Variants in CLEC19A observed in about 807,000 individuals in gnomAD.
CLEC19A encodes the protein C-type lectin domain family 19 member A.
A neutral mutation model predicts 26.1 loss-of-function variants in CLEC19A; 21 were observed. The ratio of observed to expected loss-of-function variants is 0.80; its 90% CI spans 0.57 to 1.16. The LOEUF is 1.16. Ranked by LOEUF, CLEC19A falls within the 50% of genes most tolerant of loss-of-function variation. CLEC19A has a pLI of 0.00. For synonymous variants in CLEC19A, 89 were observed against 88.6 expected, an observed-to-expected ratio of 1.00 and a Z score of -0.03; for missense variants, 224 against 227.6, an observed-to-expected ratio of 0.98 and a Z score of 0.10.
intron 3 of CLEC19A, among the ~76,000 whole-genome samples, chr16:19,307,111 A>T: frequency 6.6e-6 from 1 of 152,216 alleles, no homozygotes; most frequent in East Asian, 1.9e-4. Flanking sequence ...AAACAGATGG[A>T]AAGTGACTCC....
At chr16:19,286,259 A>C (rs1446749689) in intron 1 of CLEC19A, among the ~76,000 whole-genome samples, 5 of 152,242 alleles carry the variant, frequency 3.3e-5, no homozygotes, top group African/African-American at 1.2e-4. Context: ...GGCAGATAAG[A>C]TAACATGAGG....
At chr16:19,292,503 G>T (rs1897612014) in intron 1 of CLEC19A, among the ~76,000 whole-genome samples, 1 of 152,194 alleles carries the variant, frequency 6.6e-6, no homozygotes, top group African/African-American at 2.4e-5. Context: ...TTCCCAAGAG[G>T]CTGCCCTCAA....
At chr16:19,294,999 T>G (rs1358987643) in intron 1 of CLEC19A, among the ~76,000 whole-genome samples, 3 of 152,150 alleles carry the variant, frequency 2.0e-5, no homozygotes, top group African/African-American at 4.8e-5. Flanking sequence ...ATAGGATGTT[T>G]AGCAGCATTC....
At chr16:19,299,470 C>G (rs998519402) in intron 2 of CLEC19A, among the ~76,000 whole-genome samples, 3 of 152,150 alleles carry the variant, frequency 2.0e-5, no homozygotes, top group African/African-American at 7.2e-5. Flanking sequence ...ATTCCATAGC[C>G]CACCCTCCAA....
At chr16:19,305,436 T>A (rs899925229) in intron 3 of CLEC19A, among the ~76,000 whole-genome samples, 2 of 152,330 alleles carry the variant, frequency 1.3e-5, no homozygotes, top group African/African-American at 4.8e-5. Flanking sequence ...GGACCAGATC[T>A]CTGCAATGTC....
chr16:19,295,472 G>A (rs1248601679), intron 1 of CLEC19A, among the ~76,000 whole-genome samples: 1 of 152,084 alleles, frequency 6.6e-6, no homozygotes, highest in East Asian at 1.9e-4. Flanking sequence ...CAAGGTGTTG[G>A]TATTACAGGC....
rs542233968 is a variant in CLEC19A at position 19,287,407 on chromosome 16, C to G, written c.88+1468C>G. Among the ~76,000 whole-genome samples, 6 of 152,182 alleles carry G rather than the reference C, an allele frequency of 3.9e-5. No individual in the cohort carries two copies. In the South Asian group the frequency reaches 8.3e-4, roughly 21 times the overall value. Reference sequence around the variant, plus strand: ...ATCTAATCACTTCCCAAAGGTCCCCCCTCCCAATACCATCACATTGGGAGT... The same window carrying G: ...ATCTAATCACTTCCCAAAGGTCCCCGCTCCCAATACCATCACATTGGGAGT... On this transcript the variant is annotated intron_variant, in intron 1 of 4. Coordinates refer to ENST00000636231, the MANE Select transcript of CLEC19A (RefSeq NM_001256720.2).
Position 19,309,120 on chromosome 16 carries a change from T to TTTA in CLEC19A, c.*37_*38insTTA. On this transcript the variant is annotated 3_prime_UTR_variant, in exon 5 of 5. Coordinates refer to ENST00000636231, the MANE Select transcript of CLEC19A (RefSeq NM_001256720.2). The stretch of plus-strand genomic sequence containing the variant: ...CCTACTGGTGTGAGCTCAACTCTAG[T>TTTA]ATCATCTTGTAGCTGTAACCAGTGT... 7.0e-7 allele frequency: 1 copy of TTTA among 1,431,874 alleles called. No individual in the cohort carries two copies. The highest frequency in any genetic ancestry group is 9.6e-7 in the Non-Finnish European group (1 of 1,040,320). The allele number at this position is 1,431,874 out of a possible 1,614,324, so 88.7% of individuals were successfully genotyped here. A position where few individuals can be genotyped will look rare whatever the true frequency, so the allele number is the denominator to read the frequency against.
rs140824246 is a variant in CLEC19A at position 19,292,433 on chromosome 16, C to T, written c.89-6240C>T. Among the ~76,000 whole-genome samples the T allele has an allele frequency of 2.3e-3, 348 of 152,328 alleles. 2 individuals carry two copies. The highest frequency in any genetic ancestry group is 7.9e-3 in the African/African-American group (327 of 41,556). On this transcript the variant is annotated intron_variant, in intron 1 of 4. Transcript: ENST00000636231. ...GTTAAAAAAACTCCAGGAATGCCAT[C>T]GCAGTGTCAGGACTCCTGGTTTCAA... is the stretch of plus-strand genomic sequence containing the variant.
chr16:19,295,201 T>TTTGTTG (rs200971751), intron 1 of CLEC19A, among the ~76,000 whole-genome samples: 1 of 151,698 alleles, frequency 6.6e-6, no homozygotes, highest in African/African-American at 2.4e-5. Context: ...CTCTCAGGGT[T>TTTGTTG]TTGTTGTTGT....
chr16:19,306,270 A>G (rs1302359119), intron 3 of CLEC19A, among the ~76,000 whole-genome samples: 2 of 151,860 alleles, frequency 1.3e-5, no homozygotes, highest in East Asian at 1.9e-4. Context: ...CCTAGGCTCC[A>G]TAGTAGCTAG....
intron 1 of CLEC19A, among the ~76,000 whole-genome samples, chr16:19,294,544 CA>C: frequency 6.6e-6 from 1 of 152,260 alleles, no homozygotes; most frequent in Non-Finnish European, 1.5e-5. Flanking sequence ...GAAAGGAAAC[CA>C]GGGGAAAAAC....
At chr16:19,287,197 A>G (rs1486646394) in intron 1 of CLEC19A, among the ~76,000 whole-genome samples, 4 of 152,058 alleles carry the variant, frequency 2.6e-5, no homozygotes, top group African/African-American at 9.7e-5. Context: ...TATTTCTCAC[A>G]GTTCTGGAGG....
intron 3 of CLEC19A, among the ~76,000 whole-genome samples, chr16:19,305,609 CTT>C (rs1287150571): frequency 6.6e-6 from 1 of 152,130 alleles, no homozygotes; most frequent in Non-Finnish European, 1.5e-5. Flanking sequence ...TGGCAGGTGA[CTT>C]TGTGCAAATT....
At chr16:19,289,268 T>G (rs1444878371) in intron 1 of CLEC19A, among the ~76,000 whole-genome samples, 1 of 152,200 alleles carries the variant, frequency 6.6e-6, no homozygotes, top group Non-Finnish European at 1.5e-5. Flanking sequence ...TTGTACATAC[T>G]TCTAGAATAC....
At chr16:19,289,027 T>C (rs7203320) in intron 1 of CLEC19A, among the ~76,000 whole-genome samples, 5,085 of 152,226 alleles carry the variant, frequency 0.033, 305 homozygotes, top group African/African-American at 0.12. Flanking sequence ...GAACTGGCTT[T>C]TCTGTGAAGT....
At chr16:19,303,759 T>C (rs539697644) in intron 2 of CLEC19A, 3 of 262,538 alleles carry the variant, frequency 1.1e-5, no homozygotes, top group East Asian at 1.4e-4. Context: ...CTCCTTTCAT[T>C]GTCTCTTCAT....
intron 3 of CLEC19A, among the ~76,000 whole-genome samples, chr16:19,304,709 A>G (rs1567256524): frequency 6.6e-6 from 1 of 152,062 alleles, no homozygotes; most frequent in Non-Finnish European, 1.5e-5. Context: ...TTGAAAAAAA[A>G]AAAGAAGACA....
chr16:19,298,899 A>G, intron 2 of CLEC19A, 61 bp downstream of exon 2: 1 of 1,444,376 alleles, frequency 6.9e-7, no homozygotes, highest in Non-Finnish European at 9.3e-7. Flanking sequence ...AATGGGGTGG[A>G]GAATGGTATT....
Sources: gnomAD v4.1 joint callset for allele counts (sites outside exome capture counted in the v4.1 genomes callset) on GRCh38, gnomAD v4.1.1 for gene constraint, MANE v1.5 for transcripts, NCBI Gene and HGNC (gene_info 2026-07-23, HGNC 2026-07-21) for gene names.